MALRD1: variants seen among roughly 807,000 people sequenced by gnomAD.
The protein encoded by MALRD1 is MAM and LDL-receptor class A domain-containing protein 1.
MALRD1 carries 247 observed loss-of-function variants against 242.1 expected under a neutral mutation model. That is an observed-to-expected ratio of 1.02 (90% confidence interval 0.92 to 1.13). MALRD1 has a LOEUF of 1.13. Ranked by LOEUF, MALRD1 falls within the 50% of genes most tolerant of loss-of-function variation. The probability of loss-of-function intolerance (pLI) is 0.00; values close to 1 mark genes in which losing one functional copy is unlikely to be tolerated. For synonymous variants in MALRD1, 995 were observed against 866.6 expected, an observed-to-expected ratio of 1.15 and a Z score of -2.60; for missense variants, 2,989 against 2,533.1, an observed-to-expected ratio of 1.18 and a Z score of -3.86.
intron 24 of MALRD1, among the ~76,000 whole-genome samples, chr10:19,333,540 T>C (rs1448925232): frequency 6.6e-6 from 1 of 152,166 alleles, no homozygotes; most frequent in Non-Finnish European, 1.5e-5. Flanking sequence ...CTTTATTCAA[T>C]CCACCATTGA....
At chr10:19,196,369 G>A (rs11008895) in intron 14 of MALRD1, among the ~76,000 whole-genome samples, 25,345 of 151,752 alleles carry the variant, frequency 0.17, 2,302 homozygotes, top group Non-Finnish European at 0.2. Flanking sequence ...ACTCAGTCCA[G>A]TGAGGCTCTG....
intron 38 of MALRD1, among the ~76,000 whole-genome samples, chr10:19,698,647 C>T (rs1249775154): frequency 6.6e-6 from 1 of 152,128 alleles, no homozygotes; most frequent in Non-Finnish European, 1.5e-5. Flanking sequence ...GATGGAAAGA[C>T]TCCAAAAGAA....
In MALRD1 at chr10:19,088,138, C is replaced by A; in HGVS notation, c.550C>A (p.Gln184Lys). 4 of 1,233,486 alleles carry A rather than the reference C, an allele frequency of 3.2e-6. No homozygotes were observed. The South Asian group carries it at 1.6e-4, about 51-fold the overall frequency. 76.4% of individuals were successfully genotyped at this position (1,233,486 alleles called of 1,614,324 possible). A position where few individuals can be genotyped will look rare whatever the true frequency, so the allele number is the denominator to read the frequency against. ...LWQNTAALPN[Q>K]WERNVIKIQS... ...GCAAAACACAGCTGCACTCCCAAAT[C>A]AGTGGGAGAGAAATGTCATCAAAAT... is the stretch of plus-strand genomic sequence containing the variant. Residue 184 changes from glutamine to lysine, a missense_variant, in exon 4 of 40, where the codon CAG becomes AAG. Transcript: ENST00000454679.
intron 30 of MALRD1, among the ~76,000 whole-genome samples, chr10:19,495,623 C>T (rs1837679911): frequency 6.6e-6 from 1 of 152,110 alleles, no homozygotes; most frequent in Non-Finnish European, 1.5e-5. Flanking sequence ...TACAAAAACA[C>T]ACCTAAGTAC....
intron 28 of MALRD1, among the ~76,000 whole-genome samples, chr10:19,408,592 A>G (rs1833136053): frequency 6.6e-6 from 1 of 152,198 alleles, no homozygotes; most frequent in Non-Finnish European, 1.5e-5. Context: ...AAACAATCCA[A>G]TTAGAAAATG....
At chr10:19,083,730 C>A (rs532141638) in intron 2 of MALRD1, among the ~76,000 whole-genome samples, 18 of 151,994 alleles carry the variant, frequency 1.2e-4, no homozygotes, top group African/African-American at 3.6e-4. Flanking sequence ...TGAATGCAAG[C>A]TGCTATTTTT....
chr10:19,056,529 T>C (rs1834674153), intron 1 of MALRD1, among the ~76,000 whole-genome samples: 2 of 152,282 alleles, frequency 1.3e-5, no homozygotes, highest in Admixed American at 6.5e-5. Flanking sequence ...TTTTTGTATG[T>C]TGCTTTTGTA....
At chr10:19,150,484 T>A (rs1289482289) in intron 11 of MALRD1, among the ~76,000 whole-genome samples, 1 of 152,292 alleles carries the variant, frequency 6.6e-6, no homozygotes, top group African/African-American at 2.4e-5. Flanking sequence ...TTATGAATTC[T>A]ACCCATGTGG....
chr10:19,446,815 C>G (rs1835008963), intron 28 of MALRD1, among the ~76,000 whole-genome samples: 1 of 152,092 alleles, frequency 6.6e-6, no homozygotes, highest in African/African-American at 2.4e-5. Flanking sequence ...TCACTTTTCA[C>G]ATGCTTATAT....
intron 14 of MALRD1, among the ~76,000 whole-genome samples, chr10:19,193,493 T>C (rs1301580491): frequency 6.6e-6 from 1 of 152,162 alleles, no homozygotes; most frequent in Admixed American, 6.5e-5. Context: ...AGGTTGAGGC[T>C]GCATTGAGCC....
At chr10:19,389,404 C>T (rs770436939) in intron 27 of MALRD1, 48 bp from the exon 28 acceptor site, 3 of 1,518,976 alleles carry the variant, frequency 2.0e-6, no homozygotes, top group African/African-American at 1.4e-5. Context: ...CAAAAATAAT[C>T]CCATCATTGT....
intron 38 of MALRD1, among the ~76,000 whole-genome samples, chr10:19,713,960 A>G (rs966916558): frequency 1.3e-5 from 2 of 152,050 alleles, no homozygotes; most frequent in Non-Finnish European, 1.5e-5. Flanking sequence ...CGCTGCCCAA[A>G]CCTCTAGGGG....
intron 13 of MALRD1, among the ~76,000 whole-genome samples, chr10:19,169,299 AATG>A (rs1834823131): frequency 6.6e-6 from 1 of 152,216 alleles, no homozygotes; most frequent in South Asian, 2.1e-4. Flanking sequence ...GTGGACTTGC[AATG>A]ATGTTCTGCT....
At chr10:19,551,682 C>T (rs2358417) in intron 32 of MALRD1, among the ~76,000 whole-genome samples, 104,346 of 151,912 alleles carry the variant, frequency 0.69, 39,906 homozygotes, top group Non-Finnish European at 0.84. Flanking sequence ...GTCTTGAAAG[C>T]GGAATGCTTC....
intron 36 of MALRD1, among the ~76,000 whole-genome samples, chr10:19,687,241 G>T (rs1441023389): frequency 6.6e-6 from 1 of 152,106 alleles, no homozygotes; most frequent in African/African-American, 2.4e-5. Flanking sequence ...GATTACACAA[G>T]GGGCAGAATC....
intron 14 of MALRD1, among the ~76,000 whole-genome samples, chr10:19,193,127 C>T (rs979138897): frequency 7.9e-5 from 12 of 152,174 alleles, no homozygotes; most frequent in South Asian, 4.1e-4. Context: ...CCTGGAAATA[C>T]TGTATGCCCC....
rs1402309374 is a variant in MALRD1, at chr10:19,387,538, A to C, written c.4452A>C (p.Pro1484=). The change falls in exon 27 of 40, where the codon CCA becomes CCC. Residue 1484 remains proline, a synonymous_variant. Coordinates refer to ENST00000454679, the MANE Select transcript of MALRD1 (RefSeq NM_001142308.3). ...TTTGTTTTGTTTTAGGTTTCTGCCCACTTGGCTATAGGGAATGTCATAATG... is the reference window on the plus strand; with the variant it reads ...TTTGTTTTGTTTTAGGTTTCTGCCCCCTTGGCTATAGGGAATGTCATAATG... ...LAVPLPTGFC[P]LGYRECHNGK... is the part of the protein sequence containing the mutation. 6.5e-7 allele frequency: 1 copy of C among 1,550,010 alleles called. No homozygotes were observed. The highest frequency in any genetic ancestry group is 2.4e-5 in the East Asian group (1 of 40,898).
chr10:19,428,707 A>G (rs1258974740), intron 28 of MALRD1, among the ~76,000 whole-genome samples: 1 of 152,214 alleles, frequency 6.6e-6, no homozygotes, highest in African/African-American at 2.4e-5. Flanking sequence ...AAATCAGGTA[A>G]TAGAAAAGTT....
In MALRD1 at chr10:19,347,652, A is replaced by G. The variant is rs182108484; in HGVS notation, c.3902-119A>G. The G allele has an allele frequency of 4.9e-4, 574 of 1,168,388 alleles. 1 individual carries two copies. Among genetic ancestry groups the G allele is most frequent in the African/African-American group, 3.9e-3 (251 of 64,534 alleles). The allele number at this position is 1,168,388 out of a possible 1,614,324, so 72.4% of individuals were successfully genotyped here. ...TCTCTTTATATGTTGCTATCAGGAT[A>G]GCATTATGAAGGTTTCAAATATTAC... On this transcript the variant is annotated intron_variant, in intron 24 of 39. Transcript: ENST00000454679.
Sources: gnomAD v4.1 joint callset for allele counts (sites outside exome capture counted in the v4.1 genomes callset) on GRCh38, gnomAD v4.1.1 for gene constraint, MANE v1.5 for transcripts, NCBI Gene and HGNC (gene_info 2026-07-23, HGNC 2026-07-21) for gene names.